Variants in SFSWAP observed in about 807,000 individuals in gnomAD.
The protein encoded by SFSWAP is splicing factor SWAP, also known as splicing factor, suppressor of white-apricot homolog.
A neutral mutation model predicts 100.7 loss-of-function variants in SFSWAP; 17 were observed. That is an observed-to-expected ratio of 0.17 (90% confidence interval 0.12 to 0.25). The LOEUF (loss-of-function observed/expected upper bound fraction) is 0.25, where lower values mean the gene tolerates loss of function less well. SFSWAP is among the 10% of genes least tolerant of loss of function. SFSWAP has a pLI of 1.00. For missense variants in SFSWAP, 1,005 were observed against 1,262.6 expected, an observed-to-expected ratio of 0.80 and a Z score of 3.09; for synonymous variants, 504 against 510.1, an observed-to-expected ratio of 0.99 and a Z score of 0.16.
At position 131,714,853 on chromosome 12, in the gene SFSWAP, A is replaced by G. The variant is rs1400198991; in HGVS notation, c.420A>G (p.Leu140=). Reference sequence around the variant, plus strand: ...AATACAAGCGATTGAGTGAAGCACTAGCAGAGGATGGGAGCTACAATGCCG... The same window carrying G: ...AATACAAGCGATTGAGTGAAGCACTGGCAGAGGATGGGAGCTACAATGCCG... ...EEEYKRLSEA[L]AEDGSYNAVG... The change falls in exon 3 of 18, where the codon CTA becomes CTG. Residue 140 remains leucine, a synonymous_variant. Coordinates refer to ENST00000261674, the MANE Select transcript of SFSWAP (RefSeq NM_004592.4). This position sits in a 1 kb window ranked among gnomAD's most constrained non-coding sequence, Gnocchi z 6.0. 6.2e-7 allele frequency: 1 copy of G among 1,614,132 alleles called. No individual in the cohort carries two copies. The highest frequency in any genetic ancestry group is 1.1e-5 in the South Asian group (1 of 91,090).
In SFSWAP at chr12:131,711,820, G is replaced by A. The variant is rs893589769; in HGVS notation, c.218+373G>A. The A allele has an allele frequency of 8.5e-6, 2 of 235,362 alleles. No individual in the cohort carries two copies. Among genetic ancestry groups the A allele is most frequent in the South Asian group, 5.5e-5 (1 of 18,324 alleles). 14.6% of individuals were successfully genotyped at this position (235,362 alleles called of 1,614,324 possible). On this transcript the variant is annotated intron_variant, in intron 1 of 17. Coordinates refer to ENST00000261674, the MANE Select transcript of SFSWAP (RefSeq NM_004592.4). The surrounding 1 kb of genome is among the most constrained non-coding windows in gnomAD (Gnocchi z 4.9). ...TGCCGCCCGGCGATGCCATGGGGTCGTGCGCTGCTTTTCTACTTGCCGCGC... is the reference window on the plus strand; with the variant it reads ...TGCCGCCCGGCGATGCCATGGGGTCATGCGCTGCTTTTCTACTTGCCGCGC...
At chr12:131,758,776 T>G (rs61942902) in intron 11 of SFSWAP, among the ~76,000 whole-genome samples, 11,494 of 152,132 alleles carry the variant, frequency 0.076, 494 homozygotes, top group Middle Eastern at 0.12. Context: ...CAAAACCCCG[T>G]CTCTGCTAAA....
In SFSWAP at chr12:131,764,706, A is replaced by C. The variant is rs760192240; in HGVS notation, c.1951+20A>C. 1 of 1,536,148 alleles carries C rather than the reference A, an allele frequency of 6.5e-7. No individual in the cohort carries two copies. Among genetic ancestry groups the C allele is most frequent in the African/African-American group, 1.4e-5 (1 of 72,690 alleles). Reference sequence around the variant, plus strand: ...AGCAAGGTTTGTTGATAGCTTTTAAACTTCTTGAAAGAAAGGAAATACACA... The same window carrying C: ...AGCAAGGTTTGTTGATAGCTTTTAACCTTCTTGAAAGAAAGGAAATACACA... On this transcript the variant is annotated intron_variant, in intron 12 of 17. Coordinates refer to ENST00000261674, the MANE Select transcript of SFSWAP (RefSeq NM_004592.4).
intron 6 of SFSWAP, among the ~76,000 whole-genome samples, chr12:131,727,440 A>C (rs1879087826): frequency 6.6e-6 from 1 of 152,334 alleles, no homozygotes; most frequent in South Asian, 2.1e-4. Flanking sequence ...TGACATCAGG[A>C]GTTCAAGACC....
intron 13 of SFSWAP, among the ~76,000 whole-genome samples, chr12:131,774,404 A>G (rs1883851734): frequency 6.6e-6 from 1 of 152,214 alleles, no homozygotes; most frequent in Non-Finnish European, 1.5e-5. Context: ...CTTCATCGTG[A>G]CACAGGGGGA....
At chr12:131,779,344 C>T (rs954862485) in intron 14 of SFSWAP, among the ~76,000 whole-genome samples, 2 of 150,612 alleles carry the variant, frequency 1.3e-5, no homozygotes, top group Non-Finnish European at 3.0e-5. Context: ...CACCCTCCCT[C>T]CAGGAGTCAC....
At chr12:131,772,501 CA>C (rs1399021336) in intron 13 of SFSWAP, among the ~76,000 whole-genome samples, 6 of 152,214 alleles carry the variant, frequency 3.9e-5, no homozygotes, top group Non-Finnish European at 7.3e-5. Flanking sequence ...AGGACTGGCA[CA>C]GGGGGTGGCT....
In SFSWAP at chr12:131,711,327, T is replaced by C. The variant is rs747582183; in HGVS notation, c.98T>C (p.Val33Ala). The change falls in exon 1 of 18, where the codon GTG (valine) becomes GCG (alanine). Residue 33 changes from valine (V) to alanine (A), a missense_variant. Physicochemically the swap from Val to Ala is moderately conservative, Grantham distance 64. Transcript: ENST00000261674. The surrounding 1 kb of genome is among the most constrained non-coding windows in gnomAD (Gnocchi z 4.9). ...GGTGCCGGCGGTGGGGGCAGCCGAG[T>C]GGAGCTCTTGGTTTTCGGCTATGCC... Reference protein sequence around the residue: ...PGGAGGGGSRVELLVFGYACK... With the variant: ...PGGAGGGGSRAELLVFGYACK... 1 of 1,613,762 alleles carries C rather than the reference T, an allele frequency of 6.2e-7. No individual in the cohort carries two copies. The highest frequency in any genetic ancestry group is 1.7e-5 in the Admixed American group (1 of 60,020).
Position 131,797,332 on chromosome 12 carries a change from A to G in SFSWAP, c.2689A>G (p.Ser897Gly). The G allele has an allele frequency of 6.2e-7, 1 of 1,609,900 alleles. No homozygotes were observed. The highest frequency in any genetic ancestry group is 1.3e-5 in the African/African-American group (1 of 74,886). The change falls in exon 16 of 18, where the codon AGT becomes GGT. Residue 897 changes from serine to glycine, a missense_variant. Physicochemically the swap from Ser to Gly is moderately conservative, Grantham distance 56. This residue lies in a region of SFSWAP where 295 missense variants were observed against 347.9 expected (regional missense o/e 0.85). Transcript: ENST00000261674. ...AHSASVSPVE[S>G]RGSSQERSRG... Reference sequence around the variant, plus strand: ...CTCAGCCAGCGTCTCCCCTGTGGAGAGTCGGGGCTCCAGCCAGGAGCGCTC... The same window carrying G: ...CTCAGCCAGCGTCTCCCCTGTGGAGGGTCGGGGCTCCAGCCAGGAGCGCTC...
chr12:131,719,643 A>T (rs181740366), intron 4 of SFSWAP, 104 bp downstream of exon 4: 1 of 875,238 alleles, frequency 1.1e-6, no homozygotes, highest in African/African-American at 1.7e-5. Context: ...TTTTAGGCAT[A>T]TAATGCTTTA....
intron 15 of SFSWAP, among the ~76,000 whole-genome samples, chr12:131,793,937 C>G (rs1327361632): frequency 6.6e-6 from 1 of 152,076 alleles, no homozygotes; most frequent in African/African-American, 2.4e-5. Flanking sequence ...GGCCCAGCGG[C>G]TGCGCTCTCA....
chr12:131,753,105 G>C lies in SFSWAP; in HGVS notation c.1082-18G>C, dbSNP rs766304216. ...CTGTGGCCGGCCATGCTCACTCCGG[G>C]GCAATGTGTCTCCACAGCGACCGTG... On this transcript the variant is annotated intron_variant, in intron 7 of 17. Transcript: ENST00000261674. The C allele has an allele frequency of 1.6e-5, 26 of 1,613,824 alleles. No individual in the cohort carries two copies. In the South Asian group the frequency reaches 2.9e-4, roughly 18 times the overall value.
chr12:131,773,837 C>CA (rs1883803560), intron 13 of SFSWAP, among the ~76,000 whole-genome samples: 1 of 152,210 alleles, frequency 6.6e-6, no homozygotes, highest in Non-Finnish European at 1.5e-5. Flanking sequence ...TTGCTGTTCA[C>CA]ACATGGGCAT....
rs1233913765 is a variant in SFSWAP, at chr12:131,733,605, GCT to G, written c.1081+5179_1081+5180del. The stretch of plus-strand genomic sequence containing the variant: ...GATTTCTTCACTGTGTTTCTTGGGG[GCT>G]CACCGACTGCAGCCGTATTCCTGGA... On this transcript the variant is annotated intron_variant, in intron 7 of 17. Coordinates refer to ENST00000261674, the MANE Select transcript of SFSWAP (RefSeq NM_004592.4). The surrounding 1 kb of genome is among the most constrained non-coding windows in gnomAD (Gnocchi z 5.1). Among the ~76,000 whole-genome samples, 3 of 151,958 alleles carry G rather than the reference GCT, an allele frequency of 2.0e-5. No homozygotes were observed. The highest frequency in any genetic ancestry group is 4.4e-5 in the Non-Finnish European group (3 of 67,964).
intron 13 of SFSWAP, among the ~76,000 whole-genome samples, chr12:131,775,544 G>C (rs1010085559): frequency 6.6e-6 from 1 of 152,142 alleles, no homozygotes; most frequent in African/African-American, 2.4e-5. Flanking sequence ...TGCTCAGCTC[G>C]CAAACCTGTG....
At chr12:131,749,476 T>C (rs1881422312) in intron 7 of SFSWAP, among the ~76,000 whole-genome samples, 1 of 152,254 alleles carries the variant, frequency 6.6e-6, no homozygotes, top group Admixed American at 6.5e-5. Flanking sequence ...CCAGAAATTC[T>C]TAAAATTTAG....
chr12:131,784,851 C>CT (rs1884775811), intron 14 of SFSWAP: 2 of 395,598 alleles, frequency 5.1e-6, no homozygotes, highest in South Asian at 1.4e-4. Context: ...AATTCTATTA[C>CT]TAATAGCCAT....
chr12:131,756,896 AT>A, intron 11 of SFSWAP: 1 of 410,144 alleles, frequency 2.4e-6, no homozygotes, highest in Non-Finnish European at 4.3e-6. Context: ...TGTACTGGAC[AT>A]TTGTACAGAA....
chr12:131,740,966 CT>C (rs60047663), intron 7 of SFSWAP, among the ~76,000 whole-genome samples: 3,485 of 70,090 alleles, frequency 0.05, 13 homozygotes, highest in East Asian at 0.17. Context: ...TCTTTTTTTT[CT>C]TTTTTTTTTT....
Sources: gnomAD v4.1 joint callset for allele counts (sites outside exome capture counted in the v4.1 genomes callset) on GRCh38, gnomAD v4.1.1 for gene constraint, gnomAD v4.1.1 regional missense constraint, Gnocchi (gnomAD v3.1) non-coding constraint, MANE v1.5 for transcripts, NCBI Gene and HGNC (gene_info 2026-07-23, HGNC 2026-07-21) for gene names.